The following TMTC2 variants were observed in gnomAD, a reference collection of about 807,000 sequenced individuals.
TMTC2 encodes transmembrane O-mannosyltransferase targeting cadherins 2, also known as protein O-mannosyl-transferase TMTC2.
TMTC2 carries 43 observed loss-of-function variants against 82.4 expected under a neutral mutation model. That is an observed-to-expected ratio of 0.52 (90% CI 0.41 to 0.67). The LOEUF is 0.67. TMTC2 is among the 30% of genes least tolerant of loss of function. The pLI is 0.00. For missense variants in TMTC2, 919 were observed against 1,012.4 expected (o/e 0.91, Z 1.25); for synonymous variants, 408 against 381.9 (o/e 1.07, Z -0.80).
chr12:82,846,778 A>G (rs1870706486), intron 1 of TMTC2, among the ~76,000 whole-genome samples: 1 of 152,062 alleles, frequency 6.6e-6, no homozygotes, highest in South Asian at 2.1e-4. Flanking sequence ...TTCATTCAAC[A>G]TATGTGTGGT....
chr12:82,748,161 A>C (rs1875788654), intron 1 of TMTC2, among the ~76,000 whole-genome samples: 1 of 152,100 alleles, frequency 6.6e-6, no homozygotes, highest in South Asian at 2.1e-4. Flanking sequence ...ACACAAAAAA[A>C]TTAGCCAGGT....
chr12:82,957,714 G>A (rs906701156), intron 4 of TMTC2, among the ~76,000 whole-genome samples: 5 of 151,928 alleles, frequency 3.3e-5, no homozygotes, highest in Non-Finnish European at 7.4e-5. Context: ...GATCCTCAGA[G>A]ACTATTATGA....
intron 1 of TMTC2, among the ~76,000 whole-genome samples, chr12:82,776,787 C>T (rs1264424047): frequency 6.6e-6 from 1 of 152,040 alleles, no homozygotes; most frequent in African/African-American, 2.4e-5. Context: ...AAAAACATTA[C>T]TTTAGCTAGT....
intron 1 of TMTC2, among the ~76,000 whole-genome samples, chr12:82,776,017 C>T (rs540376151): frequency 6.6e-6 from 1 of 152,054 alleles, no homozygotes; most frequent in South Asian, 2.1e-4. Context: ...CCTGTGTGTG[C>T]ACCCGTAAAA....
At chr12:83,077,538 A>G (rs922443974) in intron 11 of TMTC2, among the ~76,000 whole-genome samples, 4 of 151,794 alleles carry the variant, frequency 2.6e-5, no homozygotes, top group Admixed American at 2.6e-4. Flanking sequence ...GTTATGAATT[A>G]TTACCTAATT....
chr12:82,819,929 G>A (rs374994456), intron 1 of TMTC2, among the ~76,000 whole-genome samples: 4 of 152,212 alleles, frequency 2.6e-5, no homozygotes, highest in Admixed American at 6.5e-5. Flanking sequence ...GAGGTCCCAC[G>A]ATAGGCCATC....
Position 82,817,491 on chromosome 12 carries a change from G to A in TMTC2, c.84-39519G>A, listed in dbSNP as rs539096242. Among the ~76,000 whole-genome samples the A allele has an allele frequency of 2.0e-5, 3 of 152,232 alleles. No individual in the cohort carries two copies. The East Asian group carries it at 5.8e-4, about 29-fold the overall frequency. On this transcript the variant is annotated intron_variant, in intron 1 of 11. Coordinates refer to ENST00000321196, the MANE Select transcript of TMTC2 (RefSeq NM_152588.3). ...ATTCTTGAATGTGTTTCTGTAAGTGGAGTGACAGAAGGCCATTTCTGCTGT... is the reference window on the plus strand; with the variant it reads ...ATTCTTGAATGTGTTTCTGTAAGTGAAGTGACAGAAGGCCATTTCTGCTGT...
At chr12:82,797,589 C>A (rs551152760) in intron 1 of TMTC2, among the ~76,000 whole-genome samples, 9 of 152,180 alleles carry the variant, frequency 5.9e-5, no homozygotes, top group African/African-American at 1.9e-4. Flanking sequence ...TGAGTCACCT[C>A]AAAAGCGTAT....
At chr12:82,770,460 G>T (rs537467484) in intron 1 of TMTC2, among the ~76,000 whole-genome samples, 1 of 152,062 alleles carries the variant, frequency 6.6e-6, no homozygotes, top group East Asian at 1.9e-4. Context: ...AACTTTCTTA[G>T]ATAGAATTTA....
At chr12:82,706,130 G>A (rs1183110283) in intron 1 of TMTC2, among the ~76,000 whole-genome samples, 2 of 152,088 alleles carry the variant, frequency 1.3e-5, no homozygotes, top group Non-Finnish European at 2.9e-5. Flanking sequence ...CCAACATGGT[G>A]AAACCTTCTT....
chr12:82,759,804 G>A (rs1373109706), intron 1 of TMTC2: 1 of 152,174 alleles, frequency 6.6e-6, no homozygotes, highest in Non-Finnish European at 1.5e-5. Context: ...TCTATCGAGT[G>A]GCAACTTGGA....
At chr12:83,058,536 G>T (rs958077638) in intron 10 of TMTC2, among the ~76,000 whole-genome samples, 1 of 151,780 alleles carries the variant, frequency 6.6e-6, no homozygotes, top group South Asian at 2.1e-4. Flanking sequence ...AGGAGCCTCC[G>T]TCTGAGTCTC....
chr12:83,056,271 A>C (rs944887988), intron 10 of TMTC2, among the ~76,000 whole-genome samples: 19 of 152,104 alleles, frequency 1.2e-4, no homozygotes, highest in African/African-American at 4.3e-4. Flanking sequence ...TGGGTCACGC[A>C]TGCAGCTGAG....
At chr12:82,785,101 T>A (rs1359485870) in intron 1 of TMTC2, among the ~76,000 whole-genome samples, 1 of 152,108 alleles carries the variant, frequency 6.6e-6, no homozygotes, top group East Asian at 1.9e-4. Flanking sequence ...ATAGGATTCA[T>A]AGAGATCCAT....
chr12:82,888,346 G>A (rs1873210088), intron 2 of TMTC2, among the ~76,000 whole-genome samples: 1 of 152,202 alleles, frequency 6.6e-6, no homozygotes. Context: ...TGGAGAGAGG[G>A]AAACAGGCAG....
chr12:83,133,106 C>T lies in TMTC2; in HGVS notation c.*717C>T, dbSNP rs377153736. The T allele has an allele frequency of 6.6e-6, 1 of 152,114 alleles. No homozygotes were observed. Among genetic ancestry groups the T allele is most frequent in the African/African-American group, 2.4e-5 (1 of 41,420 alleles). 9.4% of individuals were successfully genotyped at this position (152,114 alleles called of 1,614,324 possible). A position where few individuals can be genotyped will look rare whatever the true frequency, so the allele number is the denominator to read the frequency against. ...GAGTTGTATGAGGGACTGGGGAGGC[C>T]TTATATGTGTCAGGCAGGCATTTTT... On this transcript the variant is annotated 3_prime_UTR_variant, in exon 12 of 12. Transcript: ENST00000321196.
intron 8 of TMTC2, among the ~76,000 whole-genome samples, chr12:82,991,104 G>C (rs11833432): frequency 7.9e-4 from 120 of 152,186 alleles, no homozygotes; most frequent in African/African-American, 2.8e-3. Context: ...TATAAATGAA[G>C]AATCTGAGCT....
chr12:83,122,514 C>T (rs1377345380), intron 11 of TMTC2, among the ~76,000 whole-genome samples: 4 of 152,102 alleles, frequency 2.6e-5, no homozygotes, highest in Non-Finnish European at 5.9e-5. Context: ...TTCCTCTAGC[C>T]CTGTATTTCA....
intron 11 of TMTC2, among the ~76,000 whole-genome samples, chr12:83,091,610 C>G (rs964111744): frequency 1.3e-5 from 2 of 152,282 alleles, no homozygotes; most frequent in African/African-American, 4.8e-5. Context: ...CAAGTTACAT[C>G]TTTTTGGCTA....
Sources: gnomAD v4.1 joint callset for allele counts (sites outside exome capture counted in the v4.1 genomes callset) on GRCh38, gnomAD v4.1.1 for gene constraint, MANE v1.5 for transcripts, NCBI Gene and HGNC (gene_info 2026-07-23, HGNC 2026-07-21) for gene names.